Variants in CERS3 observed in about 807,000 individuals in gnomAD.
CERS3 encodes ceramide synthase 3.
A neutral mutation model predicts 50.3 loss-of-function variants in CERS3; 33 were observed. That is an observed-to-expected ratio of 0.66 (90% CI 0.50 to 0.88). The LOEUF is 0.88. CERS3 is among the 40% of genes least tolerant of loss of function. CERS3 has a pLI of 0.00. For missense variants in CERS3, 470 were observed against 460.3 expected (o/e 1.02, Z -0.19); for synonymous variants, 176 against 155.2 (o/e 1.13, Z -0.99).
chr15:100,488,912 G>C (rs2035567151), intron 4 of CERS3, among the ~76,000 whole-genome samples: 1 of 152,036 alleles, frequency 6.6e-6, no homozygotes, highest in African/African-American at 2.4e-5. Context: ...AAGTAGCTGG[G>C]ATTACAGGCA....
chr15:100,431,339 T>C (rs1026016038), intron 11 of CERS3, among the ~76,000 whole-genome samples: 1 of 152,232 alleles, frequency 6.6e-6, no homozygotes, highest in Non-Finnish European at 1.5e-5. Context: ...ATAATCATTT[T>C]ATAAAATAAA....
At position 100,501,832 on chromosome 15, in the gene CERS3, T is replaced by C; in HGVS notation, c.18A>G (p.Lys6=). 1 of 1,614,056 alleles carries C rather than the reference T, an allele frequency of 6.2e-7. No homozygotes were observed. Among genetic ancestry groups the C allele is most frequent in the Admixed American group, 1.7e-5 (1 of 59,996 alleles). Residue 6 remains lysine, a synonymous_variant, in exon 3 of 12, where the codon AAA becomes AAG. Coordinates refer to ENST00000679737, the MANE Select transcript of CERS3 (RefSeq NM_001378789.1). MFWTF[K]EWFWLERFWL... is the part of the protein sequence containing the mutation. Reference sequence around the variant, plus strand: ...AGAATCTTTCCAACCAGAACCATTCTTTAAACGTCCAAAACATTCTAGAGA... The same window carrying C: ...AGAATCTTTCCAACCAGAACCATTCCTTAAACGTCCAAAACATTCTAGAGA...
At chr15:100,465,431 G>T (rs2034680461) in intron 10 of CERS3, among the ~76,000 whole-genome samples, 1 of 152,124 alleles carries the variant, frequency 6.6e-6, no homozygotes, top group Non-Finnish European at 1.5e-5. Flanking sequence ...TGATTGTGCT[G>T]GTGGCAAGTT....
At chr15:100,488,054 G>C (rs2035539616) in intron 4 of CERS3, among the ~76,000 whole-genome samples, 2 of 152,162 alleles carry the variant, frequency 1.3e-5, no homozygotes, top group African/African-American at 4.8e-5. Context: ...CAAACATCTG[G>C]AAGTTGTTCT....
In CERS3 at chr15:100,402,690, A is replaced by G. The variant is rs886636235; in HGVS notation, c.*23T>C. The G allele has an allele frequency of 2.0e-5, 32 of 1,611,526 alleles. No individual in the cohort carries two copies. The highest frequency in any genetic ancestry group is 2.5e-5 in the Non-Finnish European group (29 of 1,179,110). On this transcript the variant is annotated 3_prime_UTR_variant, in exon 12 of 12. Coordinates refer to ENST00000679737, the MANE Select transcript of CERS3 (RefSeq NM_001378789.1). ...AACAGTACTTGCAGCATGCTGTGCC[A>G]TGGGAGTCCTGTAGGCTTCCAGCTA...
chr15:100,409,825 A>G (rs1044591623), intron 11 of CERS3, among the ~76,000 whole-genome samples: 3 of 152,224 alleles, frequency 2.0e-5, no homozygotes, highest in Non-Finnish European at 4.4e-5. Flanking sequence ...TTAAAGGGTC[A>G]AGAAAACACA....
At chr15:100,525,115 A>C (rs573159383) in intron 1 of CERS3, among the ~76,000 whole-genome samples, 1 of 152,246 alleles carries the variant, frequency 6.6e-6, no homozygotes, top group South Asian at 2.1e-4. Context: ...TTGTGTTTTC[A>C]TATTATGCAC....
intron 3 of CERS3, among the ~76,000 whole-genome samples, chr15:100,491,726 T>A (rs2142301021): frequency 6.6e-6 from 1 of 152,328 alleles, no homozygotes; most frequent in Admixed American, 6.5e-5. Flanking sequence ...CAAACACTGC[T>A]ATTGCTGTAT....
intron 10 of CERS3, among the ~76,000 whole-genome samples, chr15:100,466,563 A>G (rs543745909): frequency 6.6e-6 from 1 of 152,232 alleles, no homozygotes; most frequent in Non-Finnish European, 1.5e-5. Context: ...AAGATGCAGC[A>G]TCTCTCTAGC....
In CERS3 at chr15:100,420,169, T is replaced by C. The variant is rs1247642781; in HGVS notation, c.1000-17304A>G. On this transcript the variant is annotated intron_variant, in intron 11 of 11. Transcript: ENST00000679737. ...TGGTTTTTTGAAAGGATCAACAAAA[T>C]TGATAGACCGCTAGCAAGACTAATA... is the stretch of plus-strand genomic sequence containing the variant. 4.0e-4 allele frequency among the ~76,000 whole-genome samples: 59 copies of C among 146,616 alleles called. No individual in the cohort carries two copies. In the East Asian group the frequency reaches 0.011, roughly 28 times the overall value.
At chr15:100,442,451 TCCAC>T (rs1270035365) in intron 11 of CERS3, among the ~76,000 whole-genome samples, 1 of 152,158 alleles carries the variant, frequency 6.6e-6, no homozygotes, top group Non-Finnish European at 1.5e-5. Context: ...ATTCCTTGCC[TCCAC>T]TGTGAGACAA....
chr15:100,484,925 C>T (rs1302874056), intron 4 of CERS3, among the ~76,000 whole-genome samples: 2 of 152,244 alleles, frequency 1.3e-5, no homozygotes, highest in East Asian at 1.9e-4. Flanking sequence ...GGCAGCAACC[C>T]GGCATTCAAG....
intron 11 of CERS3, among the ~76,000 whole-genome samples, chr15:100,443,467 C>T (rs1303722850): frequency 2.0e-5 from 3 of 149,218 alleles, no homozygotes; most frequent in East Asian, 3.9e-4. Context: ...CTATCCACCC[C>T]ATGGTGTCAA....
At chr15:100,464,536 C>T (rs1398169366) in intron 10 of CERS3, among the ~76,000 whole-genome samples, 1 of 152,208 alleles carries the variant, frequency 6.6e-6, no homozygotes, top group Non-Finnish European at 1.5e-5. Context: ...GACCTACCTG[C>T]GTGGAACCAC....
rs2035018769 is a variant in CERS3 at position 100,473,041 on chromosome 15, A to T, written c.621T>A (p.Ala207=). Reference sequence around the variant, plus strand: ...TAGCAGCCAGGTGGTGGATGATATGAGCTAGAAAATCCTGTAAGATGAGGG... The same window carrying T: ...TAGCAGCCAGGTGGTGGATGATATGTGCTAGAAAATCCTGTAAGATGAGGG... ...GFDVKRKDFL[A]HIIHHLAAIS... The change falls in exon 9 of 12, where the codon GCT becomes GCA. Residue 207 remains alanine (A), a synonymous_variant. Coordinates refer to ENST00000679737, the MANE Select transcript of CERS3 (RefSeq NM_001378789.1). 1.2e-6 allele frequency: 2 copies of T among 1,613,126 alleles called. No individual in the cohort carries two copies. Among genetic ancestry groups the T allele is most frequent in the Admixed American group, 3.3e-5 (2 of 59,930 alleles).
chr15:100,513,614 T>C (rs1176791184), intron 2 of CERS3, among the ~76,000 whole-genome samples: 1 of 151,074 alleles, frequency 6.6e-6, no homozygotes, highest in African/African-American at 2.4e-5. Flanking sequence ...CATGGCTCAC[T>C]GAAGCCTTGA....
intron 7 of CERS3, among the ~76,000 whole-genome samples, chr15:100,477,034 G>A (rs758631257): frequency 1.3e-5 from 2 of 152,148 alleles, no homozygotes; most frequent in African/African-American, 4.8e-5. Context: ...TTCCCTAGCC[G>A]GCCTCCCAAT....
At position 100,484,476 on chromosome 15, in the gene CERS3, G is replaced by A. The variant is rs10468191; in HGVS notation, c.407+74C>T. 4,678 of 1,029,708 alleles carry A rather than the reference G, an allele frequency of 4.5e-3. 155 individuals carry two copies. In the African/African-American group the frequency reaches 0.064, roughly 14 times the overall value. 63.8% of individuals were successfully genotyped at this position (1,029,708 alleles called of 1,614,324 possible). A position where few individuals can be genotyped will look rare whatever the true frequency, so the allele number is the denominator to read the frequency against. On this transcript the variant is annotated intron_variant, in intron 5 of 11. Coordinates refer to ENST00000679737, the MANE Select transcript of CERS3 (RefSeq NM_001378789.1). ...GAACCCTCCCTCTGCTGCTCCGGCAGTATTCTCTCTGCAAGGACCACTCAG... is the reference window on the plus strand; with the variant it reads ...GAACCCTCCCTCTGCTGCTCCGGCAATATTCTCTCTGCAAGGACCACTCAG...
chr15:100,490,494 T>C (rs1363577135), intron 4 of CERS3, among the ~76,000 whole-genome samples: 1 of 152,222 alleles, frequency 6.6e-6, no homozygotes, highest in African/African-American at 2.4e-5. Flanking sequence ...TATTTCTTCA[T>C]CTGTATACTT....
Sources: allele counts gnomAD v4.1 joint callset (sites outside exome capture counted in the v4.1 genomes callset), GRCh38; gene constraint gnomAD v4.1.1; transcripts MANE v1.5; gene names NCBI Gene and HGNC (gene_info 2026-07-23, HGNC 2026-07-21).